UGP2: variants seen among roughly 807,000 people sequenced by gnomAD.
The protein encoded by UGP2 is UTP--glucose-1-phosphate uridylyltransferase.
Under a neutral mutation model 49.0 loss-of-function variants are expected in UGP2, and 40 were observed. That is an observed-to-expected ratio of 0.82 (90% CI 0.63 to 1.06). The LOEUF (loss-of-function observed/expected upper bound fraction) is 1.06. Ranked by LOEUF, UGP2 falls within the 50% of genes least tolerant of loss-of-function variation. The pLI is 0.00. For synonymous variants in UGP2, 225 were observed against 213.0 expected, an observed-to-expected ratio of 1.06 and a Z score of -0.49; for missense variants, 460 against 603.5, an observed-to-expected ratio of 0.76 and a Z score of 2.49.
At chr2:63,880,824 T>A (rs1671253419) in intron 3 of UGP2, among the ~76,000 whole-genome samples, 1 of 152,214 alleles carries the variant, frequency 6.6e-6, no homozygotes, top group East Asian at 1.9e-4. Flanking sequence ...CTGCGTTCTT[T>A]CCTGCCTCCC....
intron 3 of UGP2, among the ~76,000 whole-genome samples, chr2:63,867,133 G>A (rs1421559121): frequency 3.3e-5 from 5 of 152,124 alleles, no homozygotes; most frequent in African/African-American, 1.2e-4. Context: ...TTAACCAAGT[G>A]CACAGTCAAC....
At chr2:63,854,404 G>A (rs35058898) in intron 1 of UGP2, among the ~76,000 whole-genome samples, 26,724 of 152,194 alleles carry the variant, frequency 0.18, 3,155 homozygotes, top group Non-Finnish European at 0.24. Context: ...CCTTCCTTTA[G>A]AAACACAACT....
chr2:63,859,330 G>T (rs1669674261), intron 3 of UGP2: 1 of 152,100 alleles, frequency 6.6e-6, no homozygotes, highest in Non-Finnish European at 1.5e-5. Context: ...GCAGACCTGG[G>T]AATTTTTTGT....
intron 3 of UGP2, among the ~76,000 whole-genome samples, chr2:63,879,005 T>TA (rs567927030): frequency 0.28 from 39,314 of 141,632 alleles, 5,283 homozygotes; most frequent in Non-Finnish European, 0.29. Flanking sequence ...TCACTGGAGG[T>TA]AAAAAAAAAA....
At chr2:63,891,560 ATACTTGTG>A (rs1419056715), downstream of UGP2, 1 of 184,788 alleles carries the variant, frequency 5.4e-6, no homozygotes, top group East Asian at 1.5e-4. Flanking sequence ...CAGTGAAGCA[ATACTTGTG>A]TACACTGGTA....
At chr2:63,857,386 C>G (rs544583921) in intron 2 of UGP2, among the ~76,000 whole-genome samples, 1 of 151,968 alleles carries the variant, frequency 6.6e-6, no homozygotes, top group Non-Finnish European at 1.5e-5. Flanking sequence ...GTTTTTGAGA[C>G]AGGATCTCAC....
At chr2:63,886,021 T>C in intron 6 of UGP2, 135 bp downstream of exon 6, 1 of 1,051,128 alleles carries the variant, frequency 9.5e-7, no homozygotes, top group Non-Finnish European at 1.3e-6. Context: ...TAATAGTATG[T>C]ATCATAAATC....
intron 3 of UGP2, among the ~76,000 whole-genome samples, chr2:63,870,493 C>CATCAAACTTGTAT (rs1670477782): frequency 6.6e-6 from 1 of 152,152 alleles, no homozygotes; most frequent in African/African-American, 2.4e-5. Flanking sequence ...GGTTTTCTTT[C>CATCAAACTTGTAT]ATCAAACTTG....
intron 3 of UGP2, among the ~76,000 whole-genome samples, chr2:63,862,338 C>G (rs1414038583): frequency 6.6e-6 from 1 of 152,034 alleles, no homozygotes; most frequent in Admixed American, 6.6e-5. Flanking sequence ...GAAATACTGA[C>G]ACTAAGCAGA....
intron 3 of UGP2, among the ~76,000 whole-genome samples, chr2:63,862,531 A>G (rs1669920082): frequency 6.6e-6 from 1 of 152,158 alleles, no homozygotes; most frequent in South Asian, 2.1e-4. Flanking sequence ...TACTGGTTAC[A>G]TGTCTATAAT....
intron 3 of UGP2, among the ~76,000 whole-genome samples, chr2:63,870,414 T>C (rs2104318786): frequency 6.6e-6 from 1 of 152,344 alleles, no homozygotes; most frequent in Middle Eastern, 3.4e-3. Context: ...ATAGGGGGAT[T>C]GCTTTGTAAT....
At chr2:63,889,803 A>T in intron 8 of UGP2, 1 of 253,216 alleles carries the variant, frequency 3.9e-6, no homozygotes. Context: ...GGCTCTTGGC[A>T]TGTTGATTAT....
At position 63,851,776 on chromosome 2, in the gene UGP2, A is replaced by G. The variant is rs78554141; in HGVS notation, c.20-4530A>G. On this transcript the variant is annotated intron_variant, in intron 1 of 9. Coordinates refer to ENST00000337130, the MANE Select transcript of UGP2 (RefSeq NM_006759.4). ...TCAAAAATGAGGGTCTTTTTATCCCATAAATCCTGAAGTAGGATATGCAGG... is the reference window on the plus strand; with the variant it reads ...TCAAAAATGAGGGTCTTTTTATCCCGTAAATCCTGAAGTAGGATATGCAGG... Among the ~76,000 whole-genome samples, 92 of 152,304 alleles carry G rather than the reference A, an allele frequency of 6.0e-4. 1 individual carries two copies. In the East Asian group the frequency reaches 0.017, roughly 28 times the overall value.
At chr2:63,878,339 C>T (rs367812092) in intron 3 of UGP2, among the ~76,000 whole-genome samples, 99 of 152,234 alleles carry the variant, frequency 6.5e-4, no homozygotes, top group African/African-American at 2.3e-3. Context: ...ATTCCTAAAT[C>T]GTTCTCTCAC....
rs752563709 is a variant in UGP2 at position 63,891,125 on chromosome 2, G to A, written c.1425G>A (p.Thr475=). 34 of 1,611,942 alleles carry A rather than the reference G, an allele frequency of 2.1e-5. No individual in the cohort carries two copies. The African/African-American group carries it at 2.7e-4, about 13-fold the overall frequency. The change falls in exon 10 of 10, where the codon ACG becomes ACA. Residue 475 remains threonine, a synonymous_variant. Coordinates refer to ENST00000337130, the MANE Select transcript of UGP2 (RefSeq NM_006759.4). The stretch of plus-strand genomic sequence containing the variant: ...TTGTTTTCCCTGTCACTTAGGGAAC[G>A]GTTATCATCATTGCAAATCATGGTG... ...TFGKNVSLKG[T]VIIIANHGDR...
intron 3 of UGP2, among the ~76,000 whole-genome samples, 194 bp from the exon 4 acceptor site, chr2:63,882,272 T>G (rs1370575364): frequency 6.6e-6 from 1 of 152,194 alleles, no homozygotes; most frequent in African/African-American, 2.4e-5. Context: ...TGAACTACTG[T>G]GTGCAAGGGA....
intron 1 of UGP2, among the ~76,000 whole-genome samples, chr2:63,852,210 A>G (rs577783689): frequency 8.5e-5 from 13 of 152,182 alleles, no homozygotes; most frequent in Non-Finnish European, 1.8e-4. Context: ...GGCTGTTACA[A>G]ATATGTTAAG....
At chr2:63,845,647 C>A (rs1331677145) in intron 1 of UGP2, among the ~76,000 whole-genome samples, 1 of 151,936 alleles carries the variant, frequency 6.6e-6, no homozygotes, top group Non-Finnish European at 1.5e-5. Context: ...ATACAGTGAA[C>A]AAAATTTTTT....
chr2:63,864,774 A>T (rs1670069660), intron 3 of UGP2, among the ~76,000 whole-genome samples: 1 of 152,204 alleles, frequency 6.6e-6, no homozygotes, highest in Non-Finnish European at 1.5e-5. Flanking sequence ...AGCAGGCTCC[A>T]TTCCTTCCTT....
Sources: allele counts gnomAD v4.1 joint callset (sites outside exome capture counted in the v4.1 genomes callset), GRCh38; gene constraint gnomAD v4.1.1; transcripts MANE v1.5; gene names NCBI Gene and HGNC (gene_info 2026-07-23, HGNC 2026-07-21).